Variants in MAMDC2 observed in about 807,000 individuals in gnomAD.
MAMDC2 encodes MAM domain-containing protein 2.
In MAMDC2, 57 loss-of-function variants were observed where a neutral mutation model predicts 89.8. The ratio of observed to expected loss-of-function variants is 0.63; its 90% confidence interval spans 0.51 to 0.79. The LOEUF (loss-of-function observed/expected upper bound fraction) is 0.79, where lower values mean the gene tolerates loss of function less well. Ranked by LOEUF, MAMDC2 falls within the 30% of genes least tolerant of loss-of-function variation. The probability of loss-of-function intolerance (pLI) is 0.00; values close to 1 mark genes in which losing one functional copy is unlikely to be tolerated. For synonymous variants in MAMDC2, 313 were observed against 293.4 expected (o/e 1.07, Z -0.68); for missense variants, 800 against 820.6 (o/e 0.97, Z 0.31).
intron 11 of MAMDC2, among the ~76,000 whole-genome samples, chr9:70,187,105 T>C (rs1252301951): frequency 6.6e-6 from 1 of 152,088 alleles, no homozygotes; most frequent in African/African-American, 2.4e-5. Context: ...ATTAAATTTC[T>C]TTAATCTTTG....
chr9:70,090,003 A>G (rs946288863), intron 2 of MAMDC2, among the ~76,000 whole-genome samples: 12 of 152,130 alleles, frequency 7.9e-5, no homozygotes, highest in Non-Finnish European at 1.5e-4. Context: ...AAACGAATGA[A>G]CTAGGGGAAC....
At chr9:70,139,709 A>G (rs2031139863) in intron 7 of MAMDC2, among the ~76,000 whole-genome samples, 1 of 152,152 alleles carries the variant, frequency 6.6e-6, no homozygotes, top group South Asian at 2.1e-4. Context: ...GACTTCCACA[A>G]TGGTTGAACT....
chr9:70,226,783 T>C lies in MAMDC2; in HGVS notation c.*751T>C, dbSNP rs574837803. The C allele has an allele frequency of 3.2e-4, 48 of 152,232 alleles. No homozygotes were observed. Among genetic ancestry groups the C allele is most frequent in the African/African-American group, 1.1e-3 (47 of 41,590 alleles). The allele number at this position is 152,232 out of a possible 1,614,324, so 9.4% of individuals were successfully genotyped here. A position where few individuals can be genotyped will look rare whatever the true frequency, so the allele number is the denominator to read the frequency against. ...ATGTATACATACCCAGCAACTTTTATAAATGTGTTAAACAATTTTACTGAT... is the reference window on the plus strand; with the variant it reads ...ATGTATACATACCCAGCAACTTTTACAAATGTGTTAAACAATTTTACTGAT... On this transcript the variant is annotated 3_prime_UTR_variant, in exon 14 of 14. Transcript: ENST00000377182.
chr9:70,218,488 G>A lies in MAMDC2; in HGVS notation c.1803G>A (p.Leu601=). The change falls in exon 12 of 14, where the codon CTG becomes CTA. Residue 601 remains leucine, a synonymous_variant. Transcript: ENST00000377182. The part of the protein sequence containing the change: ...GGGTGLLSVY[L]KKEEDSEESL... ...GCACTGGCCTGCTGAGTGTTTATCT[G>A]AAAAAGGAAGAAGACAGTGAAGAGT... The A allele has an allele frequency of 6.2e-7, 1 of 1,614,188 alleles. No individual in the cohort carries two copies. Among genetic ancestry groups the A allele is most frequent in the Non-Finnish European group, 8.5e-7 (1 of 1,180,034 alleles).
At chr9:70,172,645 T>C (rs1484007201) in intron 11 of MAMDC2, 1 of 152,696 alleles carries the variant, frequency 6.5e-6, no homozygotes, top group African/African-American at 2.4e-5. Context: ...TGCTAGTGAG[T>C]GTCCATTTGG....
intron 2 of MAMDC2, among the ~76,000 whole-genome samples, chr9:70,106,522 A>G (rs1587475789): frequency 6.6e-6 from 1 of 152,172 alleles, no homozygotes; most frequent in Non-Finnish European, 1.5e-5. Flanking sequence ...TTTTTATCCA[A>G]AAAGGGTTGG....
intron 11 of MAMDC2, among the ~76,000 whole-genome samples, chr9:70,184,273 T>C (rs1475821909): frequency 1.3e-5 from 2 of 152,236 alleles, no homozygotes; most frequent in Non-Finnish European, 2.9e-5. Context: ...TGGGCTTCCC[T>C]TTCTAAGAAA....
intron 2 of MAMDC2, among the ~76,000 whole-genome samples, chr9:70,093,519 G>A (rs1230262343): frequency 6.7e-6 from 1 of 150,166 alleles, no homozygotes; most frequent in Non-Finnish European, 1.5e-5. Flanking sequence ...TCCACCTCCC[G>A]GGTTCAAGCA....
chr9:70,126,251 T>C lies in MAMDC2; in HGVS notation c.736T>C (p.Cys246Arg), dbSNP rs1261229317. 1.2e-6 allele frequency: 2 copies of C among 1,614,204 alleles called. No individual in the cohort carries two copies. The highest frequency in any genetic ancestry group is 1.7e-5 in the Admixed American group (1 of 60,030). ...SPLTTAPMAG[C>R]LSFYYQIQQG... The stretch of plus-strand genomic sequence containing the variant: ...GTTGACCACGGCCCCCATGGCTGGC[T>C]GCCTGTCATTTTATTACCAGATCCA... The change falls in exon 6 of 14, where the codon TGC (cysteine) becomes CGC (arginine). Residue 246 changes from cysteine to arginine, a missense_variant. Transcript: ENST00000377182.
intron 2 of MAMDC2, among the ~76,000 whole-genome samples, chr9:70,074,512 C>G (rs1163331786): frequency 1.3e-5 from 2 of 152,208 alleles, no homozygotes; most frequent in Non-Finnish European, 2.9e-5. Flanking sequence ...CTGCAGTACC[C>G]TTAAAGGTCA....
intron 11 of MAMDC2, chr9:70,171,241 A>G (rs117064399): frequency 0.069 from 10,508 of 152,426 alleles, 578 homozygotes; most frequent in East Asian, 0.22. Context: ...GCTCACTCCT[A>G]TAATCCCAGC....
chr9:70,199,825 G>GT (rs2033060039), intron 11 of MAMDC2, among the ~76,000 whole-genome samples: 1 of 147,726 alleles, frequency 6.8e-6, no homozygotes, highest in South Asian at 2.2e-4. Flanking sequence ...TTTTTCATGT[G>GT]TTTTTTGGCT....
At chr9:70,187,909 G>A (rs1001144486) in intron 11 of MAMDC2, among the ~76,000 whole-genome samples, 2 of 152,150 alleles carry the variant, frequency 1.3e-5, no homozygotes, top group Admixed American at 6.5e-5. Context: ...ACCAGGGAGT[G>A]GAACTGTTGG....
At chr9:70,158,996 A>G (rs2118481477) in intron 9 of MAMDC2, among the ~76,000 whole-genome samples, 1 of 152,012 alleles carries the variant, frequency 6.6e-6, no homozygotes, top group East Asian at 1.9e-4. Context: ...GTCATTATGC[A>G]GTGTATGACT....
intron 2 of MAMDC2, among the ~76,000 whole-genome samples, chr9:70,095,238 C>T (rs80331598): frequency 0.022 from 3,420 of 152,216 alleles, 65 homozygotes; most frequent in Middle Eastern, 0.048. Flanking sequence ...AATGGGGACC[C>T]CCTTCAGGTG....
chr9:70,131,831 A>G (rs968356370), intron 7 of MAMDC2, among the ~76,000 whole-genome samples: 2 of 152,154 alleles, frequency 1.3e-5, no homozygotes, highest in Non-Finnish European at 2.9e-5. Flanking sequence ...CAGTTGTCCT[A>G]TCTTAGGAAG....
In MAMDC2 at chr9:70,109,790, C is replaced by T. The variant is rs757857964; in HGVS notation, c.491C>T (p.Thr164Ile). 6.2e-7 allele frequency: 1 copy of T among 1,613,520 alleles called. No individual in the cohort carries two copies. The highest frequency in any genetic ancestry group is 2.2e-5 in the East Asian group (1 of 44,872). The change falls in exon 4 of 14, where the codon ACC (threonine) becomes ATC (isoleucine). Residue 164 changes from threonine (T) to isoleucine (I), a missense_variant. Coordinates refer to ENST00000377182, the MANE Select transcript of MAMDC2 (RefSeq NM_153267.5). ...SIALFEIKMT[T>I]GYCIECDFEE... ...GCACTATTTGAAATCAAGATGACAACCGGCTACTGTATTGGTAAGTGGGCT... is the reference window on the plus strand; with the variant it reads ...GCACTATTTGAAATCAAGATGACAATCGGCTACTGTATTGGTAAGTGGGCT...
intron 2 of MAMDC2, among the ~76,000 whole-genome samples, chr9:70,059,996 T>C (rs974053516): frequency 3.9e-4 from 59 of 152,224 alleles, no homozygotes; most frequent in Non-Finnish European, 4.0e-4. Flanking sequence ...TTGGTTGAAA[T>C]GTTAGCTTCT....
chr9:70,206,963 C>G (rs2033238757), intron 11 of MAMDC2, among the ~76,000 whole-genome samples: 1 of 152,130 alleles, frequency 6.6e-6, no homozygotes, highest in Non-Finnish European at 1.5e-5. Flanking sequence ...AAGAACTCAT[C>G]CTTTTTTATG....
Sources: gnomAD v4.1 joint callset for allele counts (sites outside exome capture counted in the v4.1 genomes callset) on GRCh38, gnomAD v4.1.1 for gene constraint, MANE v1.5 for transcripts, NCBI Gene and HGNC (gene_info 2026-07-23, HGNC 2026-07-21) for gene names.